Variants in SIAH3 observed in about 807,000 individuals in gnomAD.
The protein encoded by SIAH3 is seven in absentia homolog 3.
In SIAH3, 9 loss-of-function variants were observed where a neutral mutation model predicts 12.6. The ratio of observed to expected loss-of-function variants is 0.72; its 90% CI spans 0.43 to 1.25. The LOEUF is 1.25. Among genes scored for constraint, SIAH3 ranks in the 50% most tolerant of loss-of-function variants. The pLI is 0.00. For missense variants in SIAH3, 390 were observed against 365.4 expected (o/e 1.07, Z -0.55); for synonymous variants, 154 against 151.1 (o/e 1.02, Z -0.14).
intron 1 of SIAH3, among the ~76,000 whole-genome samples, chr13:45,800,930 G>A (rs1391824526): frequency 8.5e-5 from 13 of 152,168 alleles, no homozygotes; most frequent in Non-Finnish European, 4.4e-5. Context: ...GTTCACAAGA[G>A]GGAAAGGGAT....
rs1284179370 is a variant in SIAH3 at position 45,781,584 on chromosome 13, T to C, written c.*1799A>G. 6.6e-6 allele frequency: 1 copy of C among 152,176 alleles called. No homozygotes were observed. Among genetic ancestry groups the C allele is most frequent in the Admixed American group, 6.5e-5 (1 of 15,276 alleles). The allele number at this position is 152,176 out of a possible 1,614,324, so 9.4% of individuals were successfully genotyped here. A position where few individuals can be genotyped will look rare whatever the true frequency, so the allele number is the denominator to read the frequency against. On this transcript the variant is annotated 3_prime_UTR_variant, in exon 2 of 2. Transcript: ENST00000400405. ...CATGTGCCTCCATCTGTGGCAATGT[T>C]TTTTGCCCCTCTCAGGGCTCTGACG...
chr13:45,836,893 T>C (rs987979441), intron 1 of SIAH3, among the ~76,000 whole-genome samples: 1 of 152,244 alleles, frequency 6.6e-6, no homozygotes, highest in African/African-American at 2.4e-5. Context: ...GTGGTCACTT[T>C]GCAGACATCA....
chr13:45,851,731 C>G lies in SIAH3; in HGVS notation c.-102G>C. 1 of 1,431,866 alleles carries G rather than the reference C, an allele frequency of 7.0e-7. No homozygotes were observed. Among genetic ancestry groups the G allele is most frequent in the South Asian group, 1.3e-5 (1 of 78,962 alleles). The allele number at this position is 1,431,866 out of a possible 1,614,324, so 88.7% of individuals were successfully genotyped here. A position where few individuals can be genotyped will look rare whatever the true frequency, so the allele number is the denominator to read the frequency against. The stretch of plus-strand genomic sequence containing the variant: ...GCCTCTGAGACACTCCGCTCCAGCC[C>G]GGCTTAGCGCGCCTTCATATTCATC... On this transcript the variant is annotated 5_prime_UTR_variant, in exon 1 of 2. Transcript: ENST00000400405.
At chr13:45,833,474 C>T (rs192765748) in intron 1 of SIAH3, among the ~76,000 whole-genome samples, 1 of 147,086 alleles carries the variant, frequency 6.8e-6, no homozygotes, top group East Asian at 2.1e-4. Context: ...ATTACACACA[C>T]ACATGCACAC....
chr13:45,823,404 T>TATAG (rs1370399661), intron 1 of SIAH3, among the ~76,000 whole-genome samples: 2 of 152,238 alleles, frequency 1.3e-5, no homozygotes, highest in Admixed American at 6.5e-5. Context: ...TCAGAACCAC[T>TATAG]ATAGGCAAGG....
At chr13:45,815,711 A>G (rs555338108) in intron 1 of SIAH3, among the ~76,000 whole-genome samples, 1 of 152,308 alleles carries the variant, frequency 6.6e-6, no homozygotes, top group African/African-American at 2.4e-5. Flanking sequence ...TGATGATTAC[A>G]GTTGTTCACT....
intron 1 of SIAH3, among the ~76,000 whole-genome samples, chr13:45,792,006 G>T (rs1318204333): frequency 1.3e-5 from 2 of 152,152 alleles, no homozygotes; most frequent in African/African-American, 2.4e-5. Context: ...CTACCCATGA[G>T]ATGAGGAGCT....
chr13:45,784,493 T>C (rs1043099302), intron 1 of SIAH3, among the ~76,000 whole-genome samples: 2 of 150,744 alleles, frequency 1.3e-5, no homozygotes, highest in African/African-American at 4.9e-5. Context: ...TATTTTGTCA[T>C]AGTTATTAAT....
At chr13:45,832,574 T>A (rs1950703073) in intron 1 of SIAH3, among the ~76,000 whole-genome samples, 1 of 152,254 alleles carries the variant, frequency 6.6e-6, no homozygotes, top group Admixed American at 6.5e-5. Flanking sequence ...CACATTTGTT[T>A]ATTGATTCCT....
intron 1 of SIAH3, among the ~76,000 whole-genome samples, chr13:45,788,918 A>C (rs7988287): frequency 0.8 from 121,119 of 152,148 alleles, 49,199 homozygotes; most frequent in Non-Finnish European, 0.87. Flanking sequence ...GAAGGCAGCA[A>C]TGCTATCGAT....
chr13:45,842,478 T>G (rs1435883655), intron 1 of SIAH3, among the ~76,000 whole-genome samples: 1 of 152,080 alleles, frequency 6.6e-6, no homozygotes. Flanking sequence ...CCACCCTGAA[T>G]AGCTGACACT....
intron 1 of SIAH3, among the ~76,000 whole-genome samples, chr13:45,843,037 T>TGTGG (rs1478658816): frequency 6.7e-6 from 1 of 149,918 alleles, no homozygotes; most frequent in African/African-American, 2.4e-5. Flanking sequence ...TCTCTCTCTG[T>TGTGG]GTGTGTGTGT....
At chr13:45,837,609 GAGGGAGGGAGGA>G (rs1566097354) in intron 1 of SIAH3, among the ~76,000 whole-genome samples, 5 of 150,726 alleles carry the variant, frequency 3.3e-5, no homozygotes, top group Non-Finnish European at 7.4e-5. Context: ...GGGACAGAGG[GAGGGAGGGAGGA>G]AGGGAAGAAG....
intron 1 of SIAH3, among the ~76,000 whole-genome samples, chr13:45,788,550 C>G (rs1950535308): frequency 2.0e-5 from 3 of 152,182 alleles, no homozygotes; most frequent in Admixed American, 6.5e-5. Context: ...AATACTTTCT[C>G]TAAGCATTAG....
At chr13:45,805,602 T>G (rs756321595) in intron 1 of SIAH3, among the ~76,000 whole-genome samples, 2 of 152,204 alleles carry the variant, frequency 1.3e-5, no homozygotes, top group Non-Finnish European at 2.9e-5. Context: ...AACTGAAATG[T>G]AAGACCTCAA....
intron 1 of SIAH3, among the ~76,000 whole-genome samples, chr13:45,786,972 T>C (rs1205931699): frequency 1.3e-5 from 2 of 152,168 alleles, no homozygotes; most frequent in African/African-American, 4.8e-5. Flanking sequence ...TGTCCTGACC[T>C]GTACAGCTAA....
At chr13:45,789,253 C>T (rs1273324532) in intron 1 of SIAH3, among the ~76,000 whole-genome samples, 6 of 152,218 alleles carry the variant, frequency 3.9e-5, no homozygotes, top group Admixed American at 6.5e-5. Flanking sequence ...GCTCTTGCTA[C>T]GTAGATGGAT....
At position 45,780,672 on chromosome 13, in the gene SIAH3, T is replaced by C. The variant is rs1192242061; in HGVS notation, c.*2711A>G. 6.6e-6 allele frequency: 1 copy of C among 152,230 alleles called. No homozygotes were observed. The highest frequency in any genetic ancestry group is 2.4e-5 in the African/African-American group (1 of 41,464). The allele number at this position is 152,230 out of a possible 1,614,324, so 9.4% of individuals were successfully genotyped here. On this transcript the variant is annotated 3_prime_UTR_variant, in exon 2 of 2. Coordinates refer to ENST00000400405, the MANE Select transcript of SIAH3 (RefSeq NM_198849.3). ...AAAGACTCAGTTGATTCTCAGGTCC[T>C]CAGTCCACTGGTAAGCTGGCAAGAC...
chr13:45,816,498 A>G (rs1950634978), intron 1 of SIAH3, among the ~76,000 whole-genome samples: 1 of 152,248 alleles, frequency 6.6e-6, no homozygotes, highest in Non-Finnish European at 1.5e-5. Flanking sequence ...GCTATAAATT[A>G]CAACAGCTGA....
Sources: allele counts gnomAD v4.1 joint callset (sites outside exome capture counted in the v4.1 genomes callset), GRCh38; gene constraint gnomAD v4.1.1; transcripts MANE v1.5; gene names NCBI Gene and HGNC (gene_info 2026-07-23, HGNC 2026-07-21).